RIMS1: variants seen among roughly 807,000 people sequenced by gnomAD.
RIMS1 encodes the protein regulating synaptic membrane exocytosis protein 1.
In RIMS1, 83 loss-of-function variants were observed where a neutral mutation model predicts 214.1. That is an observed-to-expected ratio of 0.39 (90% CI 0.32 to 0.47). RIMS1 has a LOEUF of 0.47. Among genes scored for constraint, RIMS1 ranks in the 20% least tolerant of loss-of-function variants. The probability of loss-of-function intolerance (pLI) is 0.99; values close to 1 mark genes in which losing one functional copy is unlikely to be tolerated. For synonymous variants in RIMS1, 793 were observed against 786.8 expected, an observed-to-expected ratio of 1.01 and a Z score of -0.13; for missense variants, 2,050 against 2,161.8, an observed-to-expected ratio of 0.95 and a Z score of 1.03.
At chr6:72,386,516 A>T (rs2098604024) in intron 29 of RIMS1, among the ~76,000 whole-genome samples, 1 of 151,822 alleles carries the variant, frequency 6.6e-6, no homozygotes, top group East Asian at 1.9e-4. Flanking sequence ...AGCCACCATT[A>T]CTCACAGCCT....
chr6:72,300,802 G>T lies in RIMS1; in HGVS notation c.3851-6456G>T, dbSNP rs374555190. On this transcript the variant is annotated intron_variant, in intron 26 of 33. Transcript: ENST00000521978. The stretch of plus-strand genomic sequence containing the variant: ...CTCTGAGAATTGGCAGTTTTACATT[G>T]AGAAATTATGTCTGGAGTTGGACAT... Among the ~76,000 whole-genome samples the T allele has an allele frequency of 1.5e-4, 23 of 151,758 alleles. No homozygotes were observed. The East Asian group carries it at 4.1e-3, about 27-fold the overall frequency.
chr6:71,910,708 G>A (rs527977500), intron 1 of RIMS1, among the ~76,000 whole-genome samples: 1 of 152,276 alleles, frequency 6.6e-6, no homozygotes, highest in South Asian at 2.1e-4. Context: ...CTCTGGCAGA[G>A]TGCACACACA....
chr6:72,395,184 C>T (rs2098758179), intron 31 of RIMS1, among the ~76,000 whole-genome samples: 1 of 151,998 alleles, frequency 6.6e-6, no homozygotes, highest in South Asian at 2.1e-4. Flanking sequence ...AAAGCTCAAA[C>T]TTACTCTAAT....
At chr6:72,390,180 TCTC>T (rs1325692716) in intron 29 of RIMS1, among the ~76,000 whole-genome samples, 40 of 152,202 alleles carry the variant, frequency 2.6e-4, no homozygotes, top group Admixed American at 2.6e-3. Context: ...AAATGCACCT[TCTC>T]CTTAAAAGAA....
intron 29 of RIMS1, among the ~76,000 whole-genome samples, chr6:72,338,792 G>T (rs976179621): frequency 6.6e-6 from 1 of 151,312 alleles, no homozygotes; most frequent in Admixed American, 6.6e-5. Context: ...AACTGATTGG[G>T]CCTGAATTTA....
At chr6:72,364,476 A>G (rs2154392005) in intron 29 of RIMS1, among the ~76,000 whole-genome samples, 1 of 152,348 alleles carries the variant, frequency 6.6e-6, no homozygotes, top group South Asian at 2.1e-4. Context: ...AAGTTATGTC[A>G]TTCTAATCTT....
chr6:71,959,596 A>AT (rs1225067523), intron 1 of RIMS1, among the ~76,000 whole-genome samples: 1 of 151,544 alleles, frequency 6.6e-6, no homozygotes, highest in East Asian at 1.9e-4. Context: ...ACCAAATTTC[A>AT]TTTTTTTATC....
At chr6:72,345,716 C>T (rs1008576548) in intron 29 of RIMS1, among the ~76,000 whole-genome samples, 6 of 151,700 alleles carry the variant, frequency 4.0e-5, no homozygotes, top group African/African-American at 1.5e-4. Flanking sequence ...TACACCATCA[C>T]GGGATGCTTG....
chr6:72,288,132 G>A (rs1364032305), intron 24 of RIMS1, among the ~76,000 whole-genome samples: 4 of 152,098 alleles, frequency 2.6e-5, no homozygotes, highest in Non-Finnish European at 5.9e-5. Flanking sequence ...AAGAGAGCAA[G>A]CATTGGAGCT....
intron 29 of RIMS1, among the ~76,000 whole-genome samples, chr6:72,339,536 T>C (rs2096970918): frequency 6.6e-6 from 1 of 151,980 alleles, no homozygotes; most frequent in African/African-American, 2.4e-5. Flanking sequence ...ATGCAGTGTT[T>C]GGTTTTTTTG....
intron 1 of RIMS1, among the ~76,000 whole-genome samples, chr6:71,939,608 C>T (rs994825258): frequency 3.0e-4 from 45 of 152,152 alleles, no homozygotes; most frequent in Admixed American, 1.3e-4. Context: ...GGTTAAGGGC[C>T]TTCCTGCTGC....
intron 6 of RIMS1, among the ~76,000 whole-genome samples, chr6:72,206,933 A>G (rs1028611794): frequency 2.0e-5 from 3 of 152,200 alleles, no homozygotes; most frequent in Admixed American, 2.0e-4. Flanking sequence ...TATCTTATTT[A>G]CGTTTTGTAG....
intron 4 of RIMS1, among the ~76,000 whole-genome samples, chr6:72,164,344 G>A (rs1398459631): frequency 3.3e-5 from 5 of 152,050 alleles, no homozygotes; most frequent in Non-Finnish European, 5.9e-5. Context: ...CTTCCTGGGT[G>A]AGGCAATGCC....
At chr6:72,316,559 G>C in intron 28 of RIMS1, 1 of 390,468 alleles carries the variant, frequency 2.6e-6, no homozygotes, top group Admixed American at 3.6e-5. Context: ...GCTGGGGATG[G>C]GAGGTGGAGG....
intron 1 of RIMS1, among the ~76,000 whole-genome samples, chr6:71,944,538 G>A (rs1212307872): frequency 6.6e-6 from 1 of 152,160 alleles, no homozygotes; most frequent in Non-Finnish European, 1.5e-5. Flanking sequence ...CAGTTGGTGT[G>A]AAGTGGGTGT....
intron 2 of RIMS1, among the ~76,000 whole-genome samples, chr6:71,987,133 A>G (rs891782682): frequency 1.3e-5 from 2 of 152,216 alleles, no homozygotes; most frequent in Non-Finnish European, 2.9e-5. Flanking sequence ...CTTTCATGTC[A>G]AGCTCCTCCA....
intron 6 of RIMS1, among the ~76,000 whole-genome samples, chr6:72,220,082 A>G (rs1009285094): frequency 3.3e-5 from 5 of 152,114 alleles, no homozygotes; most frequent in African/African-American, 1.2e-4. Flanking sequence ...ATGTACTCAC[A>G]AAGCTCATTT....
At position 72,182,633 on chromosome 6, in the gene RIMS1, C is replaced by A. The variant is rs2048536194; in HGVS notation, c.1162C>A (p.Arg388=). ...CCGGGTGTCCCGCGCCAGGCACGAG[C>A]GGCGCCACAGCGACGTGGCGCTCCC... is the stretch of plus-strand genomic sequence containing the variant. The part of the protein sequence containing the change: ...HARVSRARHE[R]RHSDVALPRT... The change falls in exon 6 of 34, where the codon CGG becomes AGG. Residue 388 remains arginine, a synonymous_variant. Coordinates refer to ENST00000521978, the MANE Select transcript of RIMS1 (RefSeq NM_014989.7). The A allele has an allele frequency of 6.5e-7, 1 of 1,543,606 alleles. No homozygotes were observed. Among genetic ancestry groups the A allele is most frequent in the Non-Finnish European group, 8.7e-7 (1 of 1,144,398 alleles).
chr6:72,122,861 C>T (rs897100465), intron 4 of RIMS1, among the ~76,000 whole-genome samples: 2 of 151,730 alleles, frequency 1.3e-5, no homozygotes, highest in African/African-American at 4.8e-5. Flanking sequence ...TTTGATTCTT[C>T]TCTCTTTTCT....
Sources: allele counts gnomAD v4.1 joint callset (sites outside exome capture counted in the v4.1 genomes callset), GRCh38; gene constraint gnomAD v4.1.1; transcripts MANE v1.5; gene names NCBI Gene and HGNC (gene_info 2026-07-23, HGNC 2026-07-21).